The following GRIP1 variants were observed in gnomAD, a reference collection of about 807,000 sequenced individuals.
GRIP1 encodes the protein glutamate receptor interacting protein 1.
Under a neutral mutation model 129.9 loss-of-function variants are expected in GRIP1, and 45 were observed. The observed-to-expected ratio is 0.35, with a 90% confidence interval of 0.27 to 0.44. The LOEUF (loss-of-function observed/expected upper bound fraction) is 0.44, where lower values mean the gene tolerates loss of function less well. Among genes scored for constraint, GRIP1 ranks in the 20% least tolerant of loss-of-function variants. GRIP1 has a pLI of 1.00. For missense variants in GRIP1, 1,196 were observed against 1,396.8 expected (o/e 0.86, Z 2.29); for synonymous variants, 530 against 520.8 (o/e 1.02, Z -0.24).
rs372760716 is a variant in GRIP1, at chr12:66,377,494, A to ATT, written c.2622-211_2622-210dup. Among the ~76,000 whole-genome samples the ATT allele has an allele frequency of 1.6e-3, 215 of 134,324 alleles. 1 individual carries two copies. Among genetic ancestry groups the ATT allele is most frequent in the African/African-American group, 5.0e-3 (182 of 36,590 alleles). 88.1% of individuals were successfully genotyped at this position (134,324 alleles called of 152,430 possible). A position where few individuals can be genotyped will look rare whatever the true frequency, so the allele number is the denominator to read the frequency against. ...AGGCGCCTGCCACCACGCCTGGCTA[A>ATT]TTTTTTTTTTTTTTTTTTGTATTTT... is the stretch of plus-strand genomic sequence containing the variant. On this transcript the variant is annotated intron_variant, in intron 20 of 24. Coordinates refer to ENST00000359742, the MANE Select transcript of GRIP1 (RefSeq NM_001366722.1).
At chr12:66,968,401 A>G (rs184813796) in intron 1 of GRIP1, among the ~76,000 whole-genome samples, 5 of 152,032 alleles carry the variant, frequency 3.3e-5, no homozygotes, top group Non-Finnish European at 7.4e-5. Flanking sequence ...TATGTTTTAT[A>G]TATTTTTTTC....
At chr12:66,447,507 T>C (rs1471845596) in intron 11 of GRIP1, among the ~76,000 whole-genome samples, 1 of 152,246 alleles carries the variant, frequency 6.6e-6, no homozygotes, top group African/African-American at 2.4e-5. Flanking sequence ...ACTGAAAAGA[T>C]GCAACCCTTT....
chr12:67,005,249 T>A (rs182116225), intron 1 of GRIP1, among the ~76,000 whole-genome samples: 1 of 152,280 alleles, frequency 6.6e-6, no homozygotes, highest in East Asian at 1.9e-4. Context: ...TAGTTTTCCA[T>A]CCCTTCTTCC....
intron 1 of GRIP1, among the ~76,000 whole-genome samples, chr12:66,719,246 G>T (rs2035985949): frequency 6.6e-6 from 1 of 152,088 alleles, no homozygotes; most frequent in Admixed American, 6.6e-5. Context: ...TTTTGCTCTA[G>T]AAGATAATAA....
At chr12:67,025,412 A>G (rs1458843383) in intron 1 of GRIP1, among the ~76,000 whole-genome samples, 4 of 151,058 alleles carry the variant, frequency 2.6e-5, no homozygotes, top group Non-Finnish European at 5.9e-5. Context: ...CTATGAAAAA[A>G]ACTGCAATTT....
At chr12:66,959,198 G>T (rs534541133) in intron 1 of GRIP1, among the ~76,000 whole-genome samples, 1 of 152,202 alleles carries the variant, frequency 6.6e-6, no homozygotes, top group African/African-American at 2.4e-5. Context: ...TCTCCAATGT[G>T]TCATTTATCT....
chr12:66,590,848 G>C (rs902334816), intron 2 of GRIP1, among the ~76,000 whole-genome samples: 1 of 152,164 alleles, frequency 6.6e-6, no homozygotes, highest in Non-Finnish European at 1.5e-5. Context: ...GGCCAAATGT[G>C]AGAATCTGCT....
intron 7 of GRIP1, among the ~76,000 whole-genome samples, chr12:66,509,535 A>ATCATTTCCTT: frequency 6.6e-6 from 1 of 152,170 alleles, no homozygotes; most frequent in South Asian, 2.1e-4. Flanking sequence ...ATGCTTTCCA[A>ATCATTTCCTT]AGACATGGAC....
At chr12:66,949,427 G>C (rs770300613) in intron 1 of GRIP1, among the ~76,000 whole-genome samples, 2 of 152,158 alleles carry the variant, frequency 1.3e-5, no homozygotes, top group Non-Finnish European at 2.9e-5. Context: ...AATTAGCTCC[G>C]ATAGCCTGCA....
chr12:66,646,575 C>T (rs988740418), intron 1 of GRIP1, among the ~76,000 whole-genome samples: 1 of 152,208 alleles, frequency 6.6e-6, no homozygotes, highest in Non-Finnish European at 1.5e-5. Flanking sequence ...TAGGTGACCA[C>T]ATAAGAGAGG....
At chr12:66,641,170 G>A (rs2031890587) in intron 1 of GRIP1, among the ~76,000 whole-genome samples, 1 of 152,326 alleles carries the variant, frequency 6.6e-6, no homozygotes, top group South Asian at 2.1e-4. Flanking sequence ...AAGTATGCCA[G>A]GCTCTGAGGA....
In GRIP1 at chr12:66,996,127, G is replaced by A. The variant is rs188643909; in HGVS notation, c.58+72923C>T. Among the ~76,000 whole-genome samples, 278 of 152,064 alleles carry A rather than the reference G, an allele frequency of 1.8e-3. 1 individual carries two copies. Among genetic ancestry groups the A allele is most frequent in the African/African-American group, 6.1e-3 (252 of 41,500 alleles). ...CAGAAAGTAGATCAGTAGTTGTCTA[G>A]GGGTAGAGACTTTTAGAGTGGGGAG... On this transcript the variant is annotated intron_variant, in intron 1 of 1. Coordinates refer to the GRIP1 transcript ENST00000643019.
At chr12:66,627,233 C>T (rs1370929469) in intron 1 of GRIP1, among the ~76,000 whole-genome samples, 1 of 151,604 alleles carries the variant, frequency 6.6e-6, no homozygotes, top group African/African-American at 2.4e-5. Flanking sequence ...TTCTGTACTG[C>T]TAAGGAGACT....
In GRIP1 at chr12:66,796,224, G is replaced by A. The variant is rs377207885; in HGVS notation, c.-420+7829C>T. ...CTTTGGCCACAGTCGTCTTTTACCT[G>A]TTAGTGACATATTGCAAAAAGACTT... is the stretch of plus-strand genomic sequence containing the variant. On this transcript the variant is annotated intron_variant, in intron 1 of 4. Coordinates refer to the GRIP1 transcript ENST00000538373. Among the ~76,000 whole-genome samples, 31 of 151,994 alleles carry A rather than the reference G, an allele frequency of 2.0e-4. No individual in the cohort carries two copies. In the South Asian group the frequency reaches 5.4e-3, roughly 27 times the overall value.
intron 1 of GRIP1, among the ~76,000 whole-genome samples, chr12:67,006,195 T>C (rs192787351): frequency 6.6e-6 from 1 of 152,054 alleles, no homozygotes; most frequent in African/African-American, 2.4e-5. Flanking sequence ...AATACAAGCA[T>C]CAAAGGCAAG....
intron 1 of GRIP1, among the ~76,000 whole-genome samples, chr12:66,687,535 G>C (rs1337922595): frequency 6.6e-6 from 1 of 151,280 alleles, no homozygotes; most frequent in East Asian, 1.9e-4. Flanking sequence ...ATGTAAAAAG[G>C]TGAAAAAAAA....
intron 1 of GRIP1, among the ~76,000 whole-genome samples, chr12:67,068,619 G>A (rs1054336331): frequency 1.3e-5 from 2 of 152,122 alleles, no homozygotes; most frequent in Non-Finnish European, 2.9e-5. Flanking sequence ...ACGCGAGGGT[G>A]GCCGCGGGAG....
At chr12:66,892,897 G>A (rs1592934168) in intron 1 of GRIP1, among the ~76,000 whole-genome samples, 4 of 152,312 alleles carry the variant, frequency 2.6e-5, no homozygotes, top group Admixed American at 1.3e-4. Context: ...AGCCTAGGAG[G>A]TCAAGGCTAC....
At chr12:66,775,172 GT>G (rs1293790354) in intron 1 of GRIP1, among the ~76,000 whole-genome samples, 2 of 152,196 alleles carry the variant, frequency 1.3e-5, no homozygotes, top group South Asian at 2.1e-4. Context: ...CCTAGTGGAT[GT>G]TTTTAAGGAG....
Sources: allele counts gnomAD v4.1 joint callset (sites outside exome capture counted in the v4.1 genomes callset), GRCh38; gene constraint gnomAD v4.1.1; transcripts MANE v1.5; gene names NCBI Gene and HGNC (gene_info 2026-07-23, HGNC 2026-07-21).